SLC39A14: variants seen among roughly 807,000 people sequenced by gnomAD.
SLC39A14 encodes the protein solute carrier family 39 member 14, also known as metal cation symporter ZIP14.
A neutral mutation model predicts 45.5 loss-of-function variants in SLC39A14; 19 were observed. The observed-to-expected ratio is 0.42, with a 90% CI of 0.29 to 0.61. The LOEUF (loss-of-function observed/expected upper bound fraction) is 0.61. SLC39A14 is among the 20% of genes least tolerant of loss of function. The pLI, the probability that SLC39A14 is intolerant of heterozygous loss-of-function variation, is 0.22. For synonymous variants in SLC39A14, 264 were observed against 251.3 expected, an observed-to-expected ratio of 1.05 and a Z score of -0.48; for missense variants, 447 against 616.5, an observed-to-expected ratio of 0.73 and a Z score of 2.91.
rs1240797961 is a variant in SLC39A14 at position 22,415,047 on chromosome 8, C to T, written c.750+145C>T. Reference sequence around the variant, plus strand: ...CTCTAATTTCTTGAGGAGACAATCCCATTTCACCTCCTGAGGATATTTGGC... The same window carrying T: ...CTCTAATTTCTTGAGGAGACAATCCTATTTCACCTCCTGAGGATATTTGGC... On this transcript the variant is annotated intron_variant, in intron 5 of 8. Coordinates refer to ENST00000381237, the MANE Select transcript of SLC39A14 (RefSeq NM_001128431.4). The T allele has an allele frequency of 1.2e-5, 12 of 962,706 alleles. No individual in the cohort carries two copies. In the South Asian group the frequency reaches 2.0e-4, roughly 16 times the overall value. 59.6% of individuals were successfully genotyped at this position (962,706 alleles called of 1,614,324 possible).
At chr8:22,393,879 C>T (rs939514495) in intron 1 of SLC39A14, among the ~76,000 whole-genome samples, 5 of 152,068 alleles carry the variant, frequency 3.3e-5, no homozygotes, top group Non-Finnish European at 7.4e-5. Context: ...CATCATGTTG[C>T]CTAGGCTGGT....
intron 4 of SLC39A14, among the ~76,000 whole-genome samples, chr8:22,412,568 G>T (rs1471099276): frequency 6.6e-6 from 1 of 152,182 alleles, no homozygotes; most frequent in South Asian, 2.1e-4. Flanking sequence ...TGTCTGATGT[G>T]GGGTGAAAAG....
chr8:22,377,300 A>G (rs1182698502), intron 1 of SLC39A14, among the ~76,000 whole-genome samples: 1 of 151,750 alleles, frequency 6.6e-6, no homozygotes, highest in Non-Finnish European at 1.5e-5. Context: ...GTGTTTCCTT[A>G]ATTTCCTTTA....
downstream of SLC39A14, among the ~76,000 whole-genome samples, chr8:22,423,388 T>A (rs1467567381): frequency 6.6e-6 from 1 of 150,914 alleles, no homozygotes; most frequent in Non-Finnish European, 1.5e-5. Flanking sequence ...CAGGCTGGAG[T>A]GCAATGGCAC....
At chr8:22,401,553 T>TC (rs922748048) in intron 1 of SLC39A14, among the ~76,000 whole-genome samples, 11 of 139,948 alleles carry the variant, frequency 7.9e-5, no homozygotes, top group Admixed American at 2.1e-4. Context: ...CTTTTTTTTT[T>TC]TTTTTTTTTT....
chr8:22,376,500 T>C (rs1833226671), intron 1 of SLC39A14, among the ~76,000 whole-genome samples: 2 of 151,974 alleles, frequency 1.3e-5, no homozygotes, highest in African/African-American at 4.8e-5. Flanking sequence ...AGTATTTTTT[T>C]ACTGGTGACA....
At chr8:22,370,921 G>A (rs1033695577) in intron 1 of SLC39A14, among the ~76,000 whole-genome samples, 1 of 152,098 alleles carries the variant, frequency 6.6e-6, no homozygotes, top group African/African-American at 2.4e-5. Flanking sequence ...TCCAGAGTCC[G>A]CCCCATCGAC....
intron 1 of SLC39A14, among the ~76,000 whole-genome samples, chr8:22,382,800 C>T (rs1261588950): frequency 1.3e-5 from 2 of 152,128 alleles, no homozygotes; most frequent in East Asian, 1.9e-4. Flanking sequence ...CCATAGCCTC[C>T]GCCTCCCAGG....
At position 22,401,543 on chromosome 8, in the gene SLC39A14, C is replaced by CTTTTTTTTTT. The variant is rs71544899; in HGVS notation, c.-15-3140_-15-3131dup. Among the ~76,000 whole-genome samples, 167 of 84,068 alleles carry CTTTTTTTTTT rather than the reference C, an allele frequency of 2.0e-3. 3 individuals are homozygous for CTTTTTTTTTT. The highest frequency in any genetic ancestry group is 4.1e-3 in the East Asian group (10 of 2,444). 55.2% of individuals were successfully genotyped at this position (84,068 alleles called of 152,430 possible). A position where few individuals can be genotyped will look rare whatever the true frequency, so the allele number is the denominator to read the frequency against. On this transcript the variant is annotated intron_variant, in intron 1 of 8. Transcript: ENST00000381237. ...CTGTCTTTCTCTTTCTCTTCTCTTTCTTTTTTTTTTTTTTTTTTTTTTGAG... is the reference window on the plus strand; with the variant it reads ...CTGTCTTTCTCTTTCTCTTCTCTTTCTTTTTTTTTTTTTTTTTTTTTTTTTTTTTTTTGAG...
chr8:22,374,624 A>G (rs754917539), intron 1 of SLC39A14, among the ~76,000 whole-genome samples: 2 of 151,232 alleles, frequency 1.3e-5, no homozygotes, highest in African/African-American at 4.9e-5. Flanking sequence ...TGGGTCTAGG[A>G]GTCTTGAATG....
In SLC39A14 at chr8:22,416,297, C is replaced by T. The variant is rs376845462; in HGVS notation, c.1147+17C>T. The stretch of plus-strand genomic sequence containing the variant: ...ATGAGCTAGGTAAGCGTGCGTCCCC[C>T]GTTCCACTGGTGCTCCCTTGGGTGG... On this transcript the variant is annotated intron_variant, in intron 7 of 8. Transcript: ENST00000381237. The T allele has an allele frequency of 7.8e-5, 125 of 1,609,362 alleles. No homozygotes were observed. Among genetic ancestry groups the T allele is most frequent in the South Asian group, 5.3e-4 (48 of 90,872 alleles).
intron 1 of SLC39A14, among the ~76,000 whole-genome samples, chr8:22,400,651 G>A (rs886864403): frequency 6.6e-6 from 1 of 152,166 alleles, no homozygotes; most frequent in African/African-American, 2.4e-5. Flanking sequence ...ATCCATCCAT[G>A]TGGACTCAAA....
At chr8:22,402,163 C>T (rs1015625470) in intron 1 of SLC39A14, among the ~76,000 whole-genome samples, 3 of 152,192 alleles carry the variant, frequency 2.0e-5, no homozygotes, top group African/African-American at 2.4e-5. Context: ...GTGTGGGTCA[C>T]GAGGTCAGGA....
intron 1 of SLC39A14, among the ~76,000 whole-genome samples, chr8:22,379,264 C>A (rs550071597): frequency 6.6e-6 from 1 of 152,194 alleles, no homozygotes; most frequent in African/African-American, 2.4e-5. Flanking sequence ...ATTTTATCTG[C>A]AAAGTCTCTA....
At chr8:22,398,902 A>G (rs1834678865) in intron 1 of SLC39A14, 2 of 215,526 alleles carry the variant, frequency 9.3e-6, no homozygotes, top group Non-Finnish European at 1.6e-5. Context: ...TCTCCCTCCC[A>G]CCTCCCCAAG....
At chr8:22,426,361 A>G (rs1836387858), downstream of SLC39A14, among the ~76,000 whole-genome samples, 1 of 151,716 alleles carries the variant, frequency 6.6e-6, no homozygotes, top group African/African-American at 2.4e-5. Context: ...CACCTGGCTA[A>G]TTTTGATTTT....
chr8:22,427,559 G>A (rs1296451863), downstream of SLC39A14, among the ~76,000 whole-genome samples: 1 of 151,480 alleles, frequency 6.6e-6, no homozygotes, highest in Non-Finnish European at 1.5e-5. Flanking sequence ...CAGAATAGGC[G>A]ATTCTTTCAA....
rs564396541 is a variant in SLC39A14 at position 22,410,206 on chromosome 8, C to T, written c.457+1710C>T. On this transcript the variant is annotated intron_variant, in intron 3 of 8. Transcript: ENST00000381237. ...CTCCCCTACCCTGGGCTCCAAGGCA[C>T]CCAATGACTGCCACCTGAGAAATGA... The T allele has an allele frequency of 6.0e-6, 8 of 1,330,282 alleles. No homozygotes were observed. The East Asian group carries it at 1.6e-4, about 27-fold the overall frequency. The allele number at this position is 1,330,282 out of a possible 1,614,324, so 82.4% of individuals were successfully genotyped here.
At chr8:22,404,561 G>A in intron 1 of SLC39A14, 135 bp from the exon 2 acceptor site, 1 of 753,934 alleles carries the variant, frequency 1.3e-6, no homozygotes, top group Non-Finnish European at 2.1e-6. Flanking sequence ...TTTTCTCAAA[G>A]GCTAATTCAA....
Sources: allele counts gnomAD v4.1 joint callset (sites outside exome capture counted in the v4.1 genomes callset), GRCh38; gene constraint gnomAD v4.1.1; transcripts MANE v1.5; gene names NCBI Gene and HGNC (gene_info 2026-07-23, HGNC 2026-07-21).